Variants in PPP1R12B observed in about 807,000 individuals in gnomAD.
PPP1R12B encodes the protein protein phosphatase 1 regulatory subunit 12B, also known as myosin phosphatase target subunit 2.
Under a neutral mutation model 126.1 loss-of-function variants are expected in PPP1R12B, and 76 were observed. The ratio of observed to expected loss-of-function variants is 0.60; its 90% CI spans 0.50 to 0.73. The LOEUF (loss-of-function observed/expected upper bound fraction) is 0.73. PPP1R12B is among the 30% of genes least tolerant of loss of function. PPP1R12B has a pLI of 0.00. For missense variants in PPP1R12B, 1,052 were observed against 1,205.1 expected (o/e 0.87, Z 1.88); for synonymous variants, 356 against 434.7 (o/e 0.82, Z 2.25).
chr1:202,389,795 T>C (rs1387012988), intron 1 of PPP1R12B, among the ~76,000 whole-genome samples: 1 of 151,224 alleles, frequency 6.6e-6, no homozygotes, highest in East Asian at 1.9e-4. Context: ...GGCATGGTGG[T>C]GCACGCTTGC....
chr1:202,406,297 C>T (rs1016323794), intron 1 of PPP1R12B, among the ~76,000 whole-genome samples: 4 of 152,178 alleles, frequency 2.6e-5, no homozygotes, highest in African/African-American at 9.7e-5. Context: ...AATCCAGACT[C>T]ATGCTAATAA....
intron 18 of PPP1R12B, among the ~76,000 whole-genome samples, chr1:202,514,711 G>A (rs537412562): frequency 6.6e-6 from 1 of 152,266 alleles, no homozygotes; most frequent in East Asian, 1.9e-4. Context: ...GTTTTTGTCA[G>A]CTTTGTCGAA....
At chr1:202,474,116 T>C (rs1318155271) in intron 13 of PPP1R12B, among the ~76,000 whole-genome samples, 3 of 152,146 alleles carry the variant, frequency 2.0e-5, no homozygotes, top group Admixed American at 2.0e-4. Context: ...TTGCTATATC[T>C]ATAGAACTGT....
intron 18 of PPP1R12B, among the ~76,000 whole-genome samples, chr1:202,505,076 C>G (rs904592262): frequency 2.0e-5 from 3 of 152,162 alleles, no homozygotes; most frequent in Non-Finnish European, 4.4e-5. Flanking sequence ...AGCCCCAAAT[C>G]TTCTATAACT....
chr1:202,504,376 G>A (rs2148880235), intron 18 of PPP1R12B, among the ~76,000 whole-genome samples: 1 of 152,202 alleles, frequency 6.6e-6, no homozygotes, highest in Middle Eastern at 3.4e-3. Context: ...CTGGGCAACA[G>A]AGCGAGACCC....
intron 11 of PPP1R12B, 104 bp downstream of exon 11, chr1:202,440,892 T>C (rs1176969642): frequency 2.3e-6 from 2 of 872,416 alleles, no homozygotes; most frequent in Non-Finnish European, 3.7e-6. Flanking sequence ...CAGGTGTCCT[T>C]ACCACATTAT....
At chr1:202,380,983 C>T (rs529356413) in intron 1 of PPP1R12B, among the ~76,000 whole-genome samples, 8 of 152,284 alleles carry the variant, frequency 5.3e-5, no homozygotes, top group Non-Finnish European at 1.0e-4. Flanking sequence ...TGACTACCCA[C>T]GTTCTCTTTC....
chr1:202,381,974 G>A (rs367771409), intron 1 of PPP1R12B, among the ~76,000 whole-genome samples: 39 of 152,080 alleles, frequency 2.6e-4, no homozygotes, highest in East Asian at 1.5e-3. Context: ...ACATGCACGC[G>A]TATGTTTATT....
intron 1 of PPP1R12B, among the ~76,000 whole-genome samples, chr1:202,360,318 C>G (rs1224019507): frequency 2.0e-5 from 3 of 152,166 alleles, no homozygotes; most frequent in East Asian, 3.8e-4. Flanking sequence ...TTGACTAGAC[C>G]TGAATTCCAT....
chr1:202,574,447 G>A (rs375544834), intron 23 of PPP1R12B, among the ~76,000 whole-genome samples: 5 of 152,190 alleles, frequency 3.3e-5, no homozygotes, highest in African/African-American at 1.2e-4. Flanking sequence ...GGAGGCAGAT[G>A]TTTCAGTTTT....
At chr1:202,404,623 C>G (rs1461545217) in intron 1 of PPP1R12B, among the ~76,000 whole-genome samples, 2 of 152,164 alleles carry the variant, frequency 1.3e-5, no homozygotes, top group African/African-American at 4.8e-5. Context: ...CCTCAGCCTC[C>G]TGAGTAGCTG....
At position 202,463,082 on chromosome 1, in the gene PPP1R12B, A is replaced by G. The variant is rs1674520348; in HGVS notation, c.1850+13911A>G. On this transcript the variant is annotated intron_variant, in intron 13 of 23. Coordinates refer to ENST00000608999, the MANE Select transcript of PPP1R12B (RefSeq NM_002481.4). Reference sequence around the variant, plus strand: ...GACATCAGCAAGTGCTGGGCCTGGAATGTCAGAAGCAGCAGGTAAAATTTC... The same window carrying G: ...GACATCAGCAAGTGCTGGGCCTGGAGTGTCAGAAGCAGCAGGTAAAATTTC... 4 of 984,718 alleles carry G rather than the reference A, an allele frequency of 4.1e-6. No individual in the cohort carries two copies. The African/African-American group carries it at 5.2e-5, about 13-fold the overall frequency. 61.0% of individuals were successfully genotyped at this position (984,718 alleles called of 1,614,324 possible).
Position 202,586,742 on chromosome 1 carries a change from G to A in PPP1R12B, c.*6182G>A, listed in dbSNP as rs1689836945. ...GGGTTGAGGGCAAACATAGAACCCAGGTTTGGCTTACAACCCAGTGTCCCG... is the reference window on the plus strand; with the variant it reads ...GGGTTGAGGGCAAACATAGAACCCAAGTTTGGCTTACAACCCAGTGTCCCG... On this transcript the variant is annotated 3_prime_UTR_variant, in exon 24 of 24. Transcript: ENST00000608999. 6.6e-6 allele frequency: 1 copy of A among 152,248 alleles called. No individual in the cohort carries two copies. Among genetic ancestry groups the A allele is most frequent in the Admixed American group, 6.5e-5 (1 of 15,288 alleles). 9.4% of individuals were successfully genotyped at this position (152,248 alleles called of 1,614,324 possible).
At chr1:202,398,791 G>A (rs527480808) in intron 1 of PPP1R12B, among the ~76,000 whole-genome samples, 1 of 152,276 alleles carries the variant, frequency 6.6e-6, no homozygotes, top group South Asian at 2.1e-4. Context: ...CTGACTAGCT[G>A]AAAAAGCATA....
intron 5 of PPP1R12B, among the ~76,000 whole-genome samples, chr1:202,427,850 C>T (rs1669743324): frequency 6.6e-6 from 1 of 152,116 alleles, no homozygotes. Flanking sequence ...TGGGGTTTCA[C>T]TGTGTTAGCC....
chr1:202,588,467 T>G lies in PPP1R12B; in HGVS notation c.*7907T>G, dbSNP rs1282327029. The G allele has an allele frequency of 6.6e-6, 1 of 152,630 alleles. No homozygotes were observed. Among genetic ancestry groups the G allele is most frequent in the Non-Finnish European group, 1.5e-5 (1 of 68,036 alleles). 9.5% of individuals were successfully genotyped at this position (152,630 alleles called of 1,614,324 possible). A position where few individuals can be genotyped will look rare whatever the true frequency, so the allele number is the denominator to read the frequency against. Reference sequence around the variant, plus strand: ...GGTTGTTGTTATATAGTTTTGAGTATTCTGTGTTTGAAAGTTTGGGAATAA... The same window carrying G: ...GGTTGTTGTTATATAGTTTTGAGTAGTCTGTGTTTGAAAGTTTGGGAATAA... On this transcript the variant is annotated 3_prime_UTR_variant, in exon 24 of 24. Transcript: ENST00000608999.
chr1:202,431,458 C>G, intron 7 of PPP1R12B, 22 bp from the exon 8 acceptor site: 6 of 1,573,458 alleles, frequency 3.8e-6, no homozygotes, highest in Middle Eastern at 1.9e-4. Context: ...GAATTATACT[C>G]AAGTTGTCAT....
intron 18 of PPP1R12B, among the ~76,000 whole-genome samples, chr1:202,539,475 C>T (rs565643857): frequency 3.0e-4 from 46 of 152,306 alleles, no homozygotes; most frequent in African/African-American, 8.7e-4. Context: ...GTAAAAGCAG[C>T]TTCGTCTGGG....
At chr1:202,555,324 T>TAAAAAAAAAA (rs1686776254) in intron 18 of PPP1R12B, among the ~76,000 whole-genome samples, 4 of 5,010 alleles carry the variant, frequency 8.0e-4, no homozygotes, top group Admixed American at 4.4e-3. Context: ...CCTGTTTTAA[T>TAAAAAAAAAA]GAAAAAAAAA....
Sources: allele counts gnomAD v4.1 joint callset (sites outside exome capture counted in the v4.1 genomes callset), GRCh38; gene constraint gnomAD v4.1.1; transcripts MANE v1.5; gene names NCBI Gene and HGNC (gene_info 2026-07-23, HGNC 2026-07-21).